NSMAF: variants seen among roughly 807,000 people sequenced by gnomAD.
NSMAF encodes the protein protein FAN.
A neutral mutation model predicts 134.9 loss-of-function variants in NSMAF; 90 were observed. That is an observed-to-expected ratio of 0.67 (90% CI 0.56 to 0.79). NSMAF has a LOEUF of 0.79. Among genes scored for constraint, NSMAF ranks in the 30% least tolerant of loss-of-function variants. The pLI is 0.00. For synonymous variants in NSMAF, 358 were observed against 389.6 expected (o/e 0.92, Z 0.96); for missense variants, 1,010 against 1,119.0 (o/e 0.90, Z 1.39).
At chr8:58,619,571 T>C (rs1046244326) in intron 9 of NSMAF, among the ~76,000 whole-genome samples, 2 of 152,142 alleles carry the variant, frequency 1.3e-5, no homozygotes, top group African/African-American at 2.4e-5. Flanking sequence ...GTTAATGGAA[T>C]TGGTCATAGA....
chr8:58,604,017 G>A (rs1178476537), intron 12 of NSMAF, among the ~76,000 whole-genome samples: 1 of 152,192 alleles, frequency 6.6e-6, no homozygotes, highest in Non-Finnish European at 1.5e-5. Context: ...GCAGCAATGA[G>A]AACTTCCCTT....
chr8:58,638,982 C>T (rs1305782965), intron 2 of NSMAF, among the ~76,000 whole-genome samples: 1 of 152,024 alleles, frequency 6.6e-6, no homozygotes, highest in Non-Finnish European at 1.5e-5. Context: ...ATAGACATAT[C>T]TCAAAAGAAG....
At chr8:58,604,320 CAA>C (rs1397654548) in intron 12 of NSMAF, among the ~76,000 whole-genome samples, 1 of 151,838 alleles carries the variant, frequency 6.6e-6, no homozygotes, top group Non-Finnish European at 1.5e-5. Context: ...TAGATCATGG[CAA>C]AGTTTTTGGC....
chr8:58,645,998 G>A (rs867514311), intron 1 of NSMAF, among the ~76,000 whole-genome samples: 10 of 152,246 alleles, frequency 6.6e-5, no homozygotes, highest in Non-Finnish European at 1.2e-4. Context: ...CCAAGATCGC[G>A]CCACTGCACT....
At chr8:58,602,237 T>A in intron 13 of NSMAF, 100 bp from the exon 14 acceptor site, 1 of 900,162 alleles carries the variant, frequency 1.1e-6, no homozygotes, top group Non-Finnish European at 1.7e-6. Context: ...AAAGTTTTTT[T>A]AAAAATTGAG....
At chr8:58,659,266 T>C (rs1807799953) in intron 1 of NSMAF, 3 of 1,510,574 alleles carry the variant, frequency 2.0e-6, no homozygotes, top group Admixed American at 2.1e-5. Flanking sequence ...CCGGGTGAGC[T>C]GCCCGCGGCC....
chr8:58,590,060 AC>A lies in NSMAF; in HGVS notation c.2033del (p.Cys678PhefsTer11), dbSNP rs1805987956. Reference protein sequence around the residue: ...ISFSNMALSSCLLLPGDATVI... With the variant: ...ISFSNMALSSXLLLPGDATVI... The stretch of plus-strand genomic sequence containing the variant: ...CAGTGGCATCTCCTGGTAAAAGTAA[AC>A]AAGACGATAAAGCCTGAAATACAAA... On this transcript the variant is annotated frameshift_variant, in exon 25 of 31. Transcript: ENST00000038176. LOFTEE classifies it high-confidence loss of function. The A allele has an allele frequency of 6.2e-7, 1 of 1,613,506 alleles. No individual in the cohort carries two copies. Among genetic ancestry groups the A allele is most frequent in the Admixed American group, 1.7e-5 (1 of 60,010 alleles).
intron 9 of NSMAF, among the ~76,000 whole-genome samples, chr8:58,622,012 G>A (rs969524712): frequency 1.3e-5 from 2 of 152,126 alleles, no homozygotes; most frequent in African/African-American, 2.4e-5. Context: ...TGCTGTAATT[G>A]CTTTTGTGAC....
intron 1 of NSMAF, among the ~76,000 whole-genome samples, chr8:58,651,633 C>T (rs1017948514): frequency 2.0e-5 from 3 of 152,216 alleles, no homozygotes; most frequent in Non-Finnish European, 4.4e-5. Flanking sequence ...AAGTGTCATA[C>T]TGCAGGGCAG....
At chr8:58,588,493 G>C (rs962461510) in intron 26 of NSMAF, 8 of 1,192,320 alleles carry the variant, frequency 6.7e-6, no homozygotes, top group South Asian at 4.9e-5. Context: ...GTCCTTGCAG[G>C]CTTCACGAGA....
intron 1 of NSMAF, among the ~76,000 whole-genome samples, chr8:58,645,739 C>T (rs1264331711): frequency 6.6e-6 from 1 of 151,902 alleles, no homozygotes; most frequent in Non-Finnish European, 1.5e-5. Flanking sequence ...AGAAGAGATG[C>T]TCATCAAAAA....
At chr8:58,611,751 G>T (rs1304748178) in intron 9 of NSMAF, among the ~76,000 whole-genome samples, 1 of 151,728 alleles carries the variant, frequency 6.6e-6, no homozygotes, top group African/African-American at 2.4e-5. Flanking sequence ...GGAGAAAAAA[G>T]AATGAAAAAA....
chr8:58,594,458 C>T (rs1806087508), intron 22 of NSMAF, 168 bp from the exon 23 acceptor site: 1 of 624,380 alleles, frequency 1.6e-6, no homozygotes, highest in Non-Finnish European at 2.8e-6. Flanking sequence ...CACTGCTTGG[C>T]ACCTTCTAAC....
chr8:58,592,386 A>AG (rs931548800), intron 23 of NSMAF, among the ~76,000 whole-genome samples: 9 of 152,286 alleles, frequency 5.9e-5, no homozygotes, highest in African/African-American at 2.2e-4. Context: ...CCTGTACTAG[A>AG]GGTCATCATG....
chr8:58,631,998 T>C (rs1261078537), intron 5 of NSMAF, among the ~76,000 whole-genome samples: 1 of 152,122 alleles, frequency 6.6e-6, no homozygotes, highest in Non-Finnish European at 1.5e-5. Flanking sequence ...CCTTACATAG[T>C]ATATTAATAA....
chr8:58,592,915 AAC>A (rs61553196), intron 23 of NSMAF, among the ~76,000 whole-genome samples: 17,610 of 121,474 alleles, frequency 0.14, 3,139 homozygotes, highest in African/African-American at 0.42. Context: ...AAACAACAAC[AAC>A]AAAAAAAAAA....
chr8:58,652,443 C>T (rs1194433176), intron 1 of NSMAF, among the ~76,000 whole-genome samples: 1 of 152,170 alleles, frequency 6.6e-6, no homozygotes, highest in African/African-American at 2.4e-5. Context: ...ACAAACTCTG[C>T]CACATTATAC....
chr8:58,658,147 T>C (rs960881499), intron 1 of NSMAF, among the ~76,000 whole-genome samples: 3 of 152,172 alleles, frequency 2.0e-5, no homozygotes, highest in African/African-American at 7.2e-5. Flanking sequence ...TAAATATGAA[T>C]GTTCACCCAC....
chr8:58,652,756 T>C lies in NSMAF; in HGVS notation c.59+6817A>G, dbSNP rs531428613. Among the ~76,000 whole-genome samples the C allele has an allele frequency of 2.3e-3, 344 of 152,308 alleles. 2 individuals are homozygous for C. The highest frequency in any genetic ancestry group is 4.1e-3 in the Non-Finnish European group (282 of 68,034). ...CCCTGGCCCTTTGCCTTTGTTTGGA[T>C]AATCTTCAAAATGCTGAGAATTAAA... On this transcript the variant is annotated intron_variant, in intron 1 of 30. Transcript: ENST00000038176.
Sources: allele counts gnomAD v4.1 joint callset (sites outside exome capture counted in the v4.1 genomes callset), GRCh38; gene constraint gnomAD v4.1.1; transcripts MANE v1.5; gene names NCBI Gene and HGNC (gene_info 2026-07-23, HGNC 2026-07-21).